The following MYO6 variants were observed in gnomAD, a reference collection of about 807,000 sequenced individuals.
The protein encoded by MYO6 is unconventional myosin-VI.
A neutral mutation model predicts 178.7 loss-of-function variants in MYO6; 74 were observed. The ratio of observed to expected loss-of-function variants is 0.41; its 90% CI spans 0.34 to 0.50. The LOEUF is 0.50. MYO6 is among the 20% of genes least tolerant of loss of function. MYO6 has a pLI of 0.09. For missense variants in MYO6, 1,330 were observed against 1,547.4 expected (o/e 0.86, Z 2.36); for synonymous variants, 477 against 504.6 (o/e 0.95, Z 0.73).
At chr6:75,871,321 C>T (rs1451058288) in intron 19 of MYO6, among the ~76,000 whole-genome samples, 1 of 152,220 alleles carries the variant, frequency 6.6e-6, no homozygotes, top group Non-Finnish European at 1.5e-5. Flanking sequence ...GCAATCACAA[C>T]TCGCTGCAAC....
At chr6:75,754,374 G>T (rs905641765) in intron 1 of MYO6, among the ~76,000 whole-genome samples, 5 of 151,824 alleles carry the variant, frequency 3.3e-5, no homozygotes, top group Admixed American at 1.3e-4. Flanking sequence ...ACAAAAATTA[G>T]CTGGGTGTGG....
rs369670187 is a variant in MYO6 at position 75,910,586 on chromosome 6, T to G, written c.3413-1086T>G. On this transcript the variant is annotated intron_variant, in intron 32 of 34. Transcript: ENST00000369977. ...AGGTTTATGGACAAATTTAGGAATT[T>G]ATGTGAACACAACCCCACACATACA... 9.2e-5 allele frequency among the ~76,000 whole-genome samples: 14 copies of G among 152,310 alleles called. No homozygotes were observed. The East Asian group carries it at 2.3e-3, about 25-fold the overall frequency.
intron 11 of MYO6, among the ~76,000 whole-genome samples, chr6:75,852,995 T>A (rs1239480540): frequency 6.6e-6 from 1 of 152,184 alleles, no homozygotes; most frequent in Non-Finnish European, 1.5e-5. Context: ...TTTCTCCATA[T>A]CCTCACCAGT....
chr6:75,756,371 C>T (rs887014218), intron 1 of MYO6, among the ~76,000 whole-genome samples: 2 of 152,144 alleles, frequency 1.3e-5, no homozygotes, highest in African/African-American at 4.8e-5. Flanking sequence ...CTCGCTCTGT[C>T]ACCCAGGCTG....
intron 1 of MYO6, among the ~76,000 whole-genome samples, chr6:75,781,850 G>A (rs1767011820): frequency 6.7e-6 from 1 of 149,570 alleles, no homozygotes; most frequent in Non-Finnish European, 1.5e-5. Flanking sequence ...CCTGGGAGGT[G>A]GAGCTTGCAG....
At chr6:75,763,276 G>C (rs1358698388) in intron 1 of MYO6, among the ~76,000 whole-genome samples, 1 of 151,976 alleles carries the variant, frequency 6.6e-6, no homozygotes, top group Non-Finnish European at 1.5e-5. Context: ...CACCCACCTT[G>C]GCCTCCCAAA....
chr6:75,834,460 T>C lies in MYO6; in HGVS notation c.498-1441T>C, dbSNP rs530429839. 4.6e-5 allele frequency among the ~76,000 whole-genome samples: 7 copies of C among 152,310 alleles called. No homozygotes were observed. In the East Asian group the frequency reaches 1.2e-3, roughly 25 times the overall value. ...GTTGTCCAGGCTGGTGTCCAGCTCC[T>C]GGACTCAAGTGATGCTCCCACTTTG... On this transcript the variant is annotated intron_variant, in intron 6 of 34. Transcript: ENST00000369977.
At chr6:75,893,623 A>G (rs566037152) in intron 28 of MYO6, among the ~76,000 whole-genome samples, 40 of 152,326 alleles carry the variant, frequency 2.6e-4, no homozygotes, top group African/African-American at 7.2e-4. Context: ...TGCTTTTTCT[A>G]TTAGGTTGGT....
chr6:75,856,939 A>C (rs1775768406), intron 12 of MYO6, among the ~76,000 whole-genome samples, 158 bp from the exon 13 acceptor site: 1 of 151,990 alleles, frequency 6.6e-6, no homozygotes, highest in Non-Finnish European at 1.5e-5. Flanking sequence ...TTCTTGTAGC[A>C]GTTTTCTACT....
At position 75,832,844 on chromosome 6, in the gene MYO6, G is replaced by A; in HGVS notation, c.394G>A (p.Asp132Asn). The change falls in exon 6 of 35, where the codon GAT (aspartate) becomes AAT (asparagine). Residue 132 changes from aspartate (D) to asparagine (N), a missense_variant and splice_region_variant. Asp to Asn is a conservative substitution (Grantham distance 23, BLOSUM62 1). Coordinates refer to ENST00000369977, the MANE Select transcript of MYO6 (RefSeq NM_004999.4). Reference protein sequence around the residue: ...TRPPHVFAIADKAFRDMKVLK... With the variant: ...TRPPHVFAIANKAFRDMKVLK... ...TTAATGTCTTATTTTGACCCTAGCT[G>A]ATAAAGCTTTTCGAGACATGAAGGT... 6.2e-7 allele frequency: 1 copy of A among 1,605,806 alleles called. No homozygotes were observed. Among genetic ancestry groups the A allele is most frequent in the Non-Finnish European group, 8.5e-7 (1 of 1,172,570 alleles).
At chr6:75,850,311 T>G (rs1775139537) in intron 11 of MYO6, among the ~76,000 whole-genome samples, 1 of 152,326 alleles carries the variant, frequency 6.6e-6, no homozygotes, top group East Asian at 1.9e-4. Context: ...AAGACTCTTC[T>G]TATTCTGCAT....
chr6:75,879,924 A>C lies in MYO6; in HGVS notation c.2182A>C (p.Arg728=). The C allele has an allele frequency of 6.2e-7, 1 of 1,614,178 alleles. No homozygotes were observed. Among genetic ancestry groups the C allele is most frequent in the Non-Finnish European group, 8.5e-7 (1 of 1,180,014 alleles). ...YKKYMPDKLA[R]LDPRLFCKAL... is the part of the protein sequence containing the mutation. ...AAAGTATATGCCAGATAAACTTGCA[A>C]GATTGGATCCAAGACTATTTTGTAA... Residue 728 remains arginine, a synonymous_variant, in exon 21 of 35, where the codon AGA becomes CGA. Coordinates refer to ENST00000369977, the MANE Select transcript of MYO6 (RefSeq NM_004999.4).
At chr6:75,911,401 A>G (rs1385708991) in intron 32 of MYO6, among the ~76,000 whole-genome samples, 1 of 151,984 alleles carries the variant, frequency 6.6e-6, no homozygotes, top group East Asian at 1.9e-4. Context: ...ATGTGTTCCA[A>G]AAATCACAAA....
At chr6:75,815,236 T>C (rs1771100813) in intron 1 of MYO6, among the ~76,000 whole-genome samples, 2 of 152,164 alleles carry the variant, frequency 1.3e-5, no homozygotes, top group South Asian at 4.1e-4. Context: ...GGAAGTGATA[T>C]GAATTTGGAA....
intron 12 of MYO6, 125 bp from the exon 13 acceptor site, chr6:75,856,972 T>C (rs1203235377): frequency 1.2e-6 from 1 of 844,754 alleles, no homozygotes; most frequent in Non-Finnish European, 1.9e-6. Context: ...TCTGTGCCTA[T>C]TCTCACATGA....
chr6:75,789,889 C>T (rs1375692503), intron 1 of MYO6, among the ~76,000 whole-genome samples: 3 of 152,172 alleles, frequency 2.0e-5, no homozygotes, highest in African/African-American at 7.2e-5. Flanking sequence ...CTGGTCCTCC[C>T]CCTGTCCTCC....
At chr6:75,778,213 T>G (rs1766583313) in intron 1 of MYO6, among the ~76,000 whole-genome samples, 1 of 152,186 alleles carries the variant, frequency 6.6e-6, no homozygotes, top group Admixed American at 6.5e-5. Context: ...TTGCAGTAAG[T>G]CAACAGTTTT....
At chr6:75,857,278 T>C (rs781399180) in intron 13 of MYO6, 24 bp downstream of exon 13, 166 of 1,602,774 alleles carry the variant, frequency 1.0e-4, no homozygotes, top group Non-Finnish European at 1.3e-4. Context: ...CTTTTGTGAG[T>C]ATATATTTGT....
chr6:75,809,767 A>G (rs1055127091), intron 1 of MYO6, among the ~76,000 whole-genome samples: 2 of 151,860 alleles, frequency 1.3e-5, no homozygotes, highest in Non-Finnish European at 2.9e-5. Flanking sequence ...TCGAGGTAAG[A>G]TAAGGGGGAT....
Sources: allele counts gnomAD v4.1 joint callset (sites outside exome capture counted in the v4.1 genomes callset), GRCh38; gene constraint gnomAD v4.1.1; transcripts MANE v1.5; gene names NCBI Gene and HGNC (gene_info 2026-07-23, HGNC 2026-07-21).